Variants in CUX1 observed in about 807,000 individuals in gnomAD.
The protein encoded by CUX1 is cut like homeobox 1, also known as protein CASP.
A neutral mutation model predicts 158.8 loss-of-function variants in CUX1; 31 were observed. The observed-to-expected ratio is 0.20, with a 90% CI of 0.15 to 0.26. The LOEUF is 0.26. Among genes scored for constraint, CUX1 ranks in the 10% least tolerant of loss-of-function variants. The probability of loss-of-function intolerance (pLI) is 1.00; values close to 1 mark genes in which losing one functional copy is unlikely to be tolerated. For missense variants in CUX1, 1,589 were observed against 2,014.6 expected, an observed-to-expected ratio of 0.79 and a Z score of 4.04; for synonymous variants, 879 against 862.1, an observed-to-expected ratio of 1.02 and a Z score of -0.34.
intron 20 of CUX1, among the ~76,000 whole-genome samples, chr7:102,223,383 C>T (rs1411517030): frequency 2.0e-5 from 3 of 152,160 alleles, no homozygotes; most frequent in African/African-American, 7.2e-5. Flanking sequence ...AAATAGCACT[C>T]AGTCATAAGA....
chr7:101,969,409 G>A (rs935672786), intron 2 of CUX1, among the ~76,000 whole-genome samples: 2 of 141,514 alleles, frequency 1.4e-5, no homozygotes, highest in African/African-American at 5.2e-5. Context: ...TTCCTGTACT[G>A]TAAAGAGAAA....
At chr7:101,835,917 C>T (rs901985906) in intron 1 of CUX1, among the ~76,000 whole-genome samples, 2 of 152,110 alleles carry the variant, frequency 1.3e-5, no homozygotes, top group Non-Finnish European at 2.9e-5. Flanking sequence ...TTAGTAGAGA[C>T]GAGGTTTCAC....
chr7:102,062,899 G>A (rs1208439455), intron 3 of CUX1, among the ~76,000 whole-genome samples: 1 of 152,172 alleles, frequency 6.6e-6, no homozygotes, highest in Non-Finnish European at 1.5e-5. Flanking sequence ...GAGGTCGGGA[G>A]TTCAAGACCA....
chr7:102,273,004 A>C (rs1791338083), intron 14 of CUX1, among the ~76,000 whole-genome samples: 1 of 152,188 alleles, frequency 6.6e-6, no homozygotes, highest in Non-Finnish European at 1.5e-5. Context: ...TGACAAGCAA[A>C]GTGAGGCCCA....
chr7:101,968,670 A>T (rs1041199040), intron 2 of CUX1, among the ~76,000 whole-genome samples: 3 of 151,900 alleles, frequency 2.0e-5, no homozygotes, highest in African/African-American at 7.3e-5. Flanking sequence ...TGATCCACCT[A>T]TTTTGGCCTC....
At chr7:102,160,935 T>G (rs1346228352) in intron 9 of CUX1, among the ~76,000 whole-genome samples, 3 of 152,190 alleles carry the variant, frequency 2.0e-5, no homozygotes, top group African/African-American at 4.8e-5. Context: ...ATTTTATGCT[T>G]TGCGTAGTTT....
chr7:101,929,014 C>A (rs1301351461), intron 2 of CUX1, among the ~76,000 whole-genome samples: 1 of 151,856 alleles, frequency 6.6e-6, no homozygotes, highest in Non-Finnish European at 1.5e-5. Context: ...GGCAGTGGCT[C>A]ACACCTAGAA....
At position 102,248,023 on chromosome 7, in the gene CUX1, C is replaced by G. The variant is rs1801000621; in HGVS notation, c.3888-389C>G. 6.6e-6 allele frequency among the ~76,000 whole-genome samples: 1 copy of G among 152,154 alleles called. No homozygotes were observed. Among genetic ancestry groups the G allele is most frequent in the East Asian group, 1.9e-4 (1 of 5,194 alleles). On this transcript the variant is annotated intron_variant, in intron 23 of 23. Transcript: ENST00000292535. The surrounding 1 kb of genome is among the most constrained non-coding windows in gnomAD (Gnocchi z 5.8). ...GTGGGTGACTGTAATCCCAGGTACTCTGGAGGCTGAGGCAGGAGAATCGCT... is the reference window on the plus strand; with the variant it reads ...GTGGGTGACTGTAATCCCAGGTACTGTGGAGGCTGAGGCAGGAGAATCGCT...
rs529619689 is a variant in CUX1, at chr7:101,822,807, A to C, written c.30+5138A>C. On this transcript the variant is annotated intron_variant, in intron 1 of 23. Transcript: ENST00000292535. ...TCCCAGATACTCGGCAGGCTGAGGC[A>C]TGAGAATTGCTTGAGCCCAGGAGGT... is the stretch of plus-strand genomic sequence containing the variant. Among the ~76,000 whole-genome samples the C allele has an allele frequency of 1.6e-4, 24 of 151,930 alleles. No homozygotes were observed. In the East Asian group the frequency reaches 4.3e-3, roughly 27 times the overall value.
intron 17 of CUX1, among the ~76,000 whole-genome samples, chr7:102,276,956 A>G (rs1791647158): frequency 6.6e-6 from 1 of 152,188 alleles, no homozygotes; most frequent in Non-Finnish European, 1.5e-5. Context: ...TATGGGTATT[A>G]TATCTCAATA....
At position 102,250,892 on chromosome 7, in the gene CUX1, C is replaced by T. The variant is rs919753363; in HGVS notation, c.*1850C>T. On this transcript the variant is annotated 3_prime_UTR_variant, in exon 24 of 24. Coordinates refer to ENST00000292535, the MANE Select transcript of CUX1 (RefSeq NM_181552.4). ...TTTCAATAAGCTGTTTTATCAGTTA[C>T]GGCTTCTACAAGTTTGCTAATTTAG... The T allele has an allele frequency of 5.0e-5, 49 of 985,192 alleles. No homozygotes were observed. The highest frequency in any genetic ancestry group is 5.5e-5 in the Non-Finnish European group (46 of 829,912). 61.0% of individuals were successfully genotyped at this position (985,192 alleles called of 1,614,324 possible). A position where few individuals can be genotyped will look rare whatever the true frequency, so the allele number is the denominator to read the frequency against.
chr7:102,180,246 C>T (rs1367356287), intron 11 of CUX1, among the ~76,000 whole-genome samples: 3 of 151,744 alleles, frequency 2.0e-5, no homozygotes, highest in African/African-American at 7.3e-5. Context: ...TAGTCTCAAA[C>T]TCCTGACCTC....
At chr7:101,924,495 T>C (rs138759060) in intron 2 of CUX1, among the ~76,000 whole-genome samples, 2 of 152,074 alleles carry the variant, frequency 1.3e-5, no homozygotes, top group African/African-American at 2.4e-5. Context: ...GGGTGATCGT[T>C]GTAACCCCAT....
At chr7:102,210,523 CTT>C in intron 20 of CUX1, among the ~76,000 whole-genome samples, 1 of 152,308 alleles carries the variant, frequency 6.6e-6, no homozygotes, top group East Asian at 1.9e-4. Flanking sequence ...CACTTTGTAA[CTT>C]TTTAATGTGG....
At chr7:102,140,338 C>T (rs1259942915) in intron 8 of CUX1, among the ~76,000 whole-genome samples, 1 of 152,016 alleles carries the variant, frequency 6.6e-6, no homozygotes, top group African/African-American at 2.4e-5. Flanking sequence ...CCTCCACCTC[C>T]GGGTTCAAGC....
upstream of CUX1, chr7:101,817,566 C>A (rs1296050751): frequency 6.8e-7 from 1 of 1,467,076 alleles, no homozygotes; most frequent in Admixed American, 2.6e-5. The surrounding 1 kb of genome is among the most constrained non-coding windows in gnomAD (Gnocchi z 4.1). Context: ...GAGCGGCGCA[C>A]CCTTAGGGTC....
At chr7:101,885,099 A>G (rs1259505087) in intron 1 of CUX1, among the ~76,000 whole-genome samples, 1 of 152,222 alleles carries the variant, frequency 6.6e-6, no homozygotes, top group Non-Finnish European at 1.5e-5. Flanking sequence ...TTTACACACA[A>G]GCCTTTCATG....
At chr7:101,997,417 C>T (rs1391915302) in intron 2 of CUX1, among the ~76,000 whole-genome samples, 1 of 152,212 alleles carries the variant, frequency 6.6e-6, no homozygotes, top group Non-Finnish European at 1.5e-5. Context: ...AATCTGGGCT[C>T]ACTGCAACCT....
chr7:102,108,435 T>C (rs902836956), intron 6 of CUX1, among the ~76,000 whole-genome samples: 1 of 152,116 alleles, frequency 6.6e-6, no homozygotes, highest in Non-Finnish European at 1.5e-5. Flanking sequence ...AACCCTCCGC[T>C]CCAGGTTGAA....
Sources: allele counts gnomAD v4.1 joint callset (sites outside exome capture counted in the v4.1 genomes callset), GRCh38; gene constraint gnomAD v4.1.1; non-coding constraint Gnocchi (gnomAD v3.1); transcripts MANE v1.5; gene names NCBI Gene and HGNC (gene_info 2026-07-23, HGNC 2026-07-21).